Variants in CRB1 observed in about 807,000 individuals in gnomAD.
CRB1 encodes the protein crumbs cell polarity complex component 1.
A neutral mutation model predicts 120.0 loss-of-function variants in CRB1; 83 were observed. The observed-to-expected ratio is 0.69, with a 90% CI of 0.58 to 0.83. The LOEUF (loss-of-function observed/expected upper bound fraction) is 0.83. Among genes scored for constraint, CRB1 ranks in the 40% least tolerant of loss-of-function variants. The pLI is 0.00. For synonymous variants in CRB1, 625 were observed against 612.5 expected, an observed-to-expected ratio of 1.02 and a Z score of -0.30; for missense variants, 1,699 against 1,687.6, an observed-to-expected ratio of 1.01 and a Z score of -0.12.
At chr1:197,264,708 G>A (rs939698959), upstream of CRB1, among the ~76,000 whole-genome samples, 9 of 147,638 alleles carry the variant, frequency 6.1e-5, no homozygotes, top group Admixed American at 1.4e-4. Context: ...TGCAACCTCC[G>A]CCTCCTGGGT....
At chr1:197,381,673 T>G (rs182332134) in intron 5 of CRB1, among the ~76,000 whole-genome samples, 4 of 152,318 alleles carry the variant, frequency 2.6e-5, no homozygotes, top group African/African-American at 9.6e-5. Flanking sequence ...ACATGCAGCC[T>G]TCAATTTGAC....
chr1:197,227,393 C>CTTTTT, the CRB1 span, among the ~76,000 whole-genome samples: 1 of 138,128 alleles, frequency 7.2e-6, no homozygotes, highest in Non-Finnish European at 1.6e-5. Context: ...TTTTCTTTTT[C>CTTTTT]TTTTTTTTTT....
At chr1:197,449,541 T>A (rs2125526654) in intron 11 of CRB1, among the ~76,000 whole-genome samples, 1 of 152,118 alleles carries the variant, frequency 6.6e-6, no homozygotes, top group African/African-American at 2.4e-5. Context: ...TAATTTTTTG[T>A]ATTTTTAGTA....
chr1:197,206,100 T>A, the CRB1 span, among the ~76,000 whole-genome samples: 46 of 152,128 alleles, frequency 3.0e-4, no homozygotes, highest in African/African-American at 1.1e-3. Context: ...TCAGCTGTAA[T>A]ATCTCCCATT....
the CRB1 span, among the ~76,000 whole-genome samples, chr1:197,244,316 T>C: frequency 6.6e-6 from 1 of 151,928 alleles, no homozygotes; most frequent in Admixed American, 6.6e-5. Context: ...CTGGTATGGG[T>C]TTTTTCTTTC....
In CRB1 at chr1:197,315,815, T is replaced by G. The variant is rs1657803339; in HGVS notation, c.71-12607T>G. 2.0e-5 allele frequency among the ~76,000 whole-genome samples: 3 copies of G among 152,246 alleles called. No homozygotes were observed. In the South Asian group the frequency reaches 6.2e-4, roughly 32 times the overall value. On this transcript the variant is annotated intron_variant, in intron 1 of 11. Transcript: ENST00000367400. ...TTATTTTTGTTTTGGGTGAATTCAGTATCCTGAAAATGGCCAACACTTATT... is the reference window on the plus strand; with the variant it reads ...TTATTTTTGTTTTGGGTGAATTCAGGATCCTGAAAATGGCCAACACTTATT...
At chr1:197,233,111 A>G in the CRB1 span, among the ~76,000 whole-genome samples, 462 of 152,220 alleles carry the variant, frequency 3.0e-3, 3 homozygotes, top group African/African-American at 0.01. Flanking sequence ...AGTTTTTGAA[A>G]CTGCATCCCC....
At chr1:197,332,177 A>G (rs1658898797) in intron 2 of CRB1, among the ~76,000 whole-genome samples, 1 of 152,104 alleles carries the variant, frequency 6.6e-6, no homozygotes, top group Admixed American at 6.5e-5. Flanking sequence ...AAACAAAAAA[A>G]ACAGCTAGAA....
chr1:197,223,370 A>G, the CRB1 span: 1 of 506,760 alleles, frequency 2.0e-6, no homozygotes, highest in Non-Finnish European at 3.6e-6. Flanking sequence ...AAAACCTCAC[A>G]TTTCTTCTCT....
rs552542139 is a variant in CRB1 at position 197,434,644 on chromosome 1, C to T, written c.2843-62C>T. On this transcript the variant is annotated intron_variant, in intron 8 of 11. Coordinates refer to ENST00000367400, the MANE Select transcript of CRB1 (RefSeq NM_201253.3). Reference sequence around the variant, plus strand: ...ACACAATGATCATTACTATTAATAACGGTAATTAAGCAAACTATAGATTTA... The same window carrying T: ...ACACAATGATCATTACTATTAATAATGGTAATTAAGCAAACTATAGATTTA... 812 of 1,388,668 alleles carry T rather than the reference C, an allele frequency of 5.8e-4. 1 individual carries two copies. The highest frequency in any genetic ancestry group is 7.8e-4 in the Non-Finnish European group (762 of 981,026). 86.0% of individuals were successfully genotyped at this position (1,388,668 alleles called of 1,614,324 possible).
At chr1:197,359,892 T>C (rs1660685653) in intron 5 of CRB1, among the ~76,000 whole-genome samples, 1 of 152,236 alleles carries the variant, frequency 6.6e-6, no homozygotes, top group Non-Finnish European at 1.5e-5. Context: ...CATCTGTTTG[T>C]CTTTTGCAGG....
intron 11 of CRB1, chr1:197,442,653 A>C: frequency 1.3e-6 from 1 of 785,664 alleles, no homozygotes; most frequent in Non-Finnish European, 1.9e-6. Flanking sequence ...ATATCTCCTT[A>C]TTGTGTGTAT....
intron 4 of CRB1, among the ~76,000 whole-genome samples, chr1:197,350,644 C>T (rs1176715111): frequency 6.6e-6 from 1 of 152,098 alleles, no homozygotes; most frequent in Non-Finnish European, 1.5e-5. Flanking sequence ...TATGTCAAAA[C>T]GTATATAGTA....
rs532615740 is a variant in CRB1, at chr1:197,292,564, C to A, written c.70+24082C>A. ...ATCCTCCCTAACTCATTTTATGAGG[C>A]CAGCATCATCCTGATACAAAAGCCT... is the stretch of plus-strand genomic sequence containing the variant. On this transcript the variant is annotated intron_variant, in intron 1 of 11. Transcript: ENST00000367400. Among the ~76,000 whole-genome samples, 8 of 152,172 alleles carry A rather than the reference C, an allele frequency of 5.3e-5. No individual in the cohort carries two copies. The South Asian group carries it at 1.7e-3, about 32-fold the overall frequency.
upstream of CRB1, among the ~76,000 whole-genome samples, chr1:197,266,041 A>G (rs11810041): frequency 0.048 from 7,365 of 152,122 alleles, 614 homozygotes; most frequent in African/African-American, 0.17. Context: ...CTTCACACCT[A>G]TGTTTCTGCA....
At chr1:197,352,869 A>G (rs1191711262) in intron 4 of CRB1, among the ~76,000 whole-genome samples, 2 of 152,180 alleles carry the variant, frequency 1.3e-5, no homozygotes, top group Non-Finnish European at 1.5e-5. Context: ...ATGAGCAAAC[A>G]CATTACAATC....
intron 3 of CRB1, among the ~76,000 whole-genome samples, chr1:197,344,886 G>A (rs1659679271): frequency 6.6e-6 from 1 of 152,190 alleles, no homozygotes; most frequent in Admixed American, 6.5e-5. Flanking sequence ...AACCATGTTG[G>A]AAAAGGCAGT....
chr1:197,231,095 A>C, the CRB1 span, among the ~76,000 whole-genome samples: 1 of 152,132 alleles, frequency 6.6e-6, no homozygotes, highest in African/African-American at 2.4e-5. Flanking sequence ...CACCATCAAC[A>C]ATTTGGAGTT....
chr1:197,233,178 T>A, the CRB1 span, among the ~76,000 whole-genome samples: 1 of 152,242 alleles, frequency 6.6e-6, no homozygotes, highest in East Asian at 1.9e-4. Flanking sequence ...TGGTAGAAAT[T>A]AATGCAATTT....
Sources: gnomAD v4.1 joint callset for allele counts (sites outside exome capture counted in the v4.1 genomes callset) on GRCh38, gnomAD v4.1.1 for gene constraint, MANE v1.5 for transcripts, NCBI Gene and HGNC (gene_info 2026-07-23, HGNC 2026-07-21) for gene names.